PRKDC: variants seen among roughly 807,000 people sequenced by gnomAD.
PRKDC encodes DNA-dependent protein kinase catalytic subunit.
PRKDC carries 82 observed loss-of-function variants against 486.9 expected under a neutral mutation model. The ratio of observed to expected loss-of-function variants is 0.17; its 90% CI spans 0.14 to 0.20. The LOEUF (loss-of-function observed/expected upper bound fraction) is 0.20, where lower values mean the gene tolerates loss of function less well. PRKDC is among the 10% of genes least tolerant of loss of function. The probability of loss-of-function intolerance (pLI) is 1.00; values close to 1 mark genes in which losing one functional copy is unlikely to be tolerated. For missense variants in PRKDC, 4,504 were observed against 5,038.2 expected, an observed-to-expected ratio of 0.89 and a Z score of 3.21; for synonymous variants, 1,895 against 1,837.0, an observed-to-expected ratio of 1.03 and a Z score of -0.81.
At chr8:47,878,339 T>C (rs1313992109) in intron 39 of PRKDC, among the ~76,000 whole-genome samples, 1 of 152,100 alleles carries the variant, frequency 6.6e-6, no homozygotes, top group Non-Finnish European at 1.5e-5. Context: ...TCTCCTGACC[T>C]GGTGATCTGC....
intron 80 of PRKDC, among the ~76,000 whole-genome samples, chr8:47,780,072 A>C (rs1459949442): frequency 6.6e-6 from 1 of 150,906 alleles, no homozygotes; most frequent in Non-Finnish European, 1.5e-5. Flanking sequence ...CCGCCACTAC[A>C]CCCAGCTAAT....
rs899792257 is a variant in PRKDC, at chr8:47,803,195, C to G, written c.9922+111G>C. On this transcript the variant is annotated intron_variant, in intron 70 of 85. Transcript: ENST00000314191. Reference sequence around the variant, plus strand: ...TTTGCTATATTCCCTGAAATTACTGCAAAGATTTACCTCCCAAATGTCAGA... The same window carrying G: ...TTTGCTATATTCCCTGAAATTACTGGAAAGATTTACCTCCCAAATGTCAGA... The G allele has an allele frequency of 7.0e-5, 77 of 1,106,576 alleles. 1 individual carries two copies. Among genetic ancestry groups the G allele is most frequent in the Non-Finnish European group, 9.5e-5 (76 of 801,468 alleles). The allele number at this position is 1,106,576 out of a possible 1,614,324, so 68.5% of individuals were successfully genotyped here.
chr8:47,804,005 G>C lies in PRKDC; in HGVS notation c.9748-525C>G, dbSNP rs1227877275. On this transcript the variant is annotated intron_variant, in intron 69 of 85. Transcript: ENST00000314191. ...CAGTATTTTTTAGTATATTTACAAA[G>C]CTGTACAACCACCACCCCTAATTCC... 1.3e-5 allele frequency among the ~76,000 whole-genome samples: 2 copies of C among 151,118 alleles called. 1 individual carries two copies. The highest frequency in any genetic ancestry group is 2.9e-5 in the Non-Finnish European group (2 of 67,930).
At chr8:47,912,707 T>TTA in intron 24 of PRKDC, 145 bp from the exon 25 acceptor site, 1 of 668,610 alleles carries the variant, frequency 1.5e-6, no homozygotes, top group Non-Finnish European at 2.2e-6. Flanking sequence ...TTAACTGGAA[T>TTA]TAACATTTCT....
Position 47,837,281 on chromosome 8 carries a change from T to G in PRKDC, c.7692A>C (p.Glu2564Asp). 1 of 1,613,918 alleles carries G rather than the reference T, an allele frequency of 6.2e-7. No homozygotes were observed. The highest frequency in any genetic ancestry group is 2.2e-5 in the East Asian group (1 of 44,888). Reference protein sequence around the residue: ...FLSLATNFLLEMTSMSPDYPN... With the variant: ...FLSLATNFLLDMTSMSPDYPN... Reference sequence around the variant, plus strand: ...GATAATCTGGGCTCATGCTGGTCATTTCGAGCAGAAAATTTGTTGCTAAAC... The same window carrying G: ...GATAATCTGGGCTCATGCTGGTCATGTCGAGCAGAAAATTTGTTGCTAAAC... The change falls in exon 57 of 86, where the codon GAA (glutamate) becomes GAC (aspartate). Residue 2564 changes from glutamate (E) to aspartate (D), a missense_variant. Coordinates refer to ENST00000314191, the MANE Select transcript of PRKDC (RefSeq NM_006904.7).
intron 1 of PRKDC, among the ~76,000 whole-genome samples, chr8:47,959,694 T>A (rs527719621): frequency 5.1e-4 from 77 of 151,756 alleles, no homozygotes; most frequent in Non-Finnish European, 1.0e-3. Context: ...AAAAAAAAAT[T>A]ATTTCTCTTG....
At chr8:47,953,773 C>A (rs374566260) in intron 6 of PRKDC, 34 bp downstream of exon 6, 4 of 1,578,304 alleles carry the variant, frequency 2.5e-6, no homozygotes, top group Non-Finnish European at 3.4e-6. Context: ...ACAACCACAT[C>A]TATGGAAGCA....
At chr8:47,944,931 G>C (rs1226649772) in intron 7 of PRKDC, among the ~76,000 whole-genome samples, 1 of 152,186 alleles carries the variant, frequency 6.6e-6, no homozygotes, top group African/African-American at 2.4e-5. Flanking sequence ...TACAAAAAAA[G>C]CTACTTTGGA....
chr8:47,829,798 A>C (rs542214421), intron 61 of PRKDC, among the ~76,000 whole-genome samples: 1 of 152,224 alleles, frequency 6.6e-6, no homozygotes, highest in Non-Finnish European at 1.5e-5. Flanking sequence ...AAAGGGAAAC[A>C]CATTCCATAT....
At chr8:47,910,256 C>A (rs1415758649) in intron 25 of PRKDC, among the ~76,000 whole-genome samples, 2 of 152,160 alleles carry the variant, frequency 1.3e-5, no homozygotes, top group African/African-American at 4.8e-5. Context: ...GCTATCAATC[C>A]CCCTGGTCAA....
intron 10 of PRKDC, among the ~76,000 whole-genome samples, chr8:47,941,492 A>T (rs1293612959): frequency 6.6e-6 from 1 of 152,124 alleles, no homozygotes; most frequent in Non-Finnish European, 1.5e-5. Flanking sequence ...CCCAAGGGAA[A>T]CCCCAAACAC....
chr8:47,960,107 C>T lies in PRKDC; in HGVS notation c.20G>A (p.Gly7Asp). Residue 7 changes from glycine to aspartate, a missense_variant, in exon 1 of 86, where the codon GGT (glycine) becomes GAT (aspartate). Transcript: ENST00000314191. Reference protein sequence around the residue: MAGSGAGVRCSLLRLQE... With the variant: MAGSGADVRCSLLRLQE... ...CAGCCGCAGCAGGGAGCAACGCACA[C>T]CGGCTCCGGAGCCCGCCATGCCGCC... 7 of 1,510,496 alleles carry T rather than the reference C, an allele frequency of 4.6e-6. No individual in the cohort carries two copies. Among genetic ancestry groups the T allele is most frequent in the South Asian group, 1.2e-5 (1 of 82,152 alleles). 93.6% of individuals were successfully genotyped at this position (1,510,496 alleles called of 1,614,324 possible).
At chr8:47,937,041 G>A (rs1288910281) in intron 11 of PRKDC, among the ~76,000 whole-genome samples, 1 of 149,372 alleles carries the variant, frequency 6.7e-6, no homozygotes, top group African/African-American at 2.5e-5. Flanking sequence ...ATCACTTGAG[G>A]TCACGAGTTT....
At chr8:47,932,419 G>A (rs111247598) in intron 16 of PRKDC, among the ~76,000 whole-genome samples, 2,546 of 151,360 alleles carry the variant, frequency 0.017, 70 homozygotes, top group African/African-American at 0.059. Context: ...GGGTTTCATC[G>A]TGTTAGCCAG....
chr8:47,834,890 C>A (rs1214821219), intron 58 of PRKDC, among the ~76,000 whole-genome samples: 1 of 151,928 alleles, frequency 6.6e-6, no homozygotes, highest in African/African-American at 2.4e-5. Context: ...CGGGGTTTCA[C>A]CGTGTTAGCC....
Position 47,794,375 on chromosome 8 carries a change from T to C in PRKDC, c.10585A>G (p.Ile3529Val), listed in dbSNP as rs1000338239. 13 of 1,613,732 alleles carry C rather than the reference T, an allele frequency of 8.1e-6. No homozygotes were observed. The highest frequency in any genetic ancestry group is 1.1e-5 in the South Asian group (1 of 91,068). ...EEITDNYPQA[I>V]VYPFIISSES... ...CTGCTTATGATGAAGGGATAAACAATAGCCTGCGGGTAGTTATCAGTGATT... is the reference window on the plus strand; with the variant it reads ...CTGCTTATGATGAAGGGATAAACAACAGCCTGCGGGTAGTTATCAGTGATT... The change falls in exon 74 of 86, where the codon ATT (isoleucine) becomes GTT (valine). Residue 3529 changes from isoleucine to valine, a missense_variant. Transcript: ENST00000314191.
intron 40 of PRKDC, among the ~76,000 whole-genome samples, chr8:47,873,813 A>T (rs2154501129): frequency 6.6e-6 from 1 of 152,238 alleles, no homozygotes; most frequent in East Asian, 1.9e-4. Context: ...TCATTAAAAC[A>T]ATTGAACTCA....
At position 47,927,368 on chromosome 8, in the gene PRKDC, A is replaced by G; in HGVS notation, c.2260-15T>C. 1 of 1,592,004 alleles carries G rather than the reference A, an allele frequency of 6.3e-7. No individual in the cohort carries two copies. Among genetic ancestry groups the G allele is most frequent in the South Asian group, 1.2e-5 (1 of 85,906 alleles). ...TTGAAAGCCATCTGTATGTTAATACAAACAAGTTAAACTGAAACGCAGGAA... is the reference window on the plus strand; with the variant it reads ...TTGAAAGCCATCTGTATGTTAATACGAACAAGTTAAACTGAAACGCAGGAA... On this transcript the variant is annotated splice_polypyrimidine_tract_variant and intron_variant, in intron 20 of 85. Transcript: ENST00000314191.
At chr8:47,777,126 TTCATAC>T in intron 84 of PRKDC, 143 bp from the exon 85 acceptor site, 2 of 999,728 alleles carry the variant, frequency 2.0e-6, no homozygotes, top group Non-Finnish European at 2.9e-6. Flanking sequence ...TACAAAGCTG[TTCATAC>T]AGACTCCATG....
Sources: allele counts gnomAD v4.1 joint callset (sites outside exome capture counted in the v4.1 genomes callset), GRCh38; gene constraint gnomAD v4.1.1; transcripts MANE v1.5; gene names NCBI Gene and HGNC (gene_info 2026-07-23, HGNC 2026-07-21).